Variants in ZBTB7C observed in about 807,000 individuals in gnomAD.
The protein encoded by ZBTB7C is zinc finger and BTB domain containing 7C.
In ZBTB7C, 8 loss-of-function variants were observed where a neutral mutation model predicts 25.7. The observed-to-expected ratio is 0.31, with a 90% CI of 0.18 to 0.56. The LOEUF (loss-of-function observed/expected upper bound fraction) is 0.56. Ranked by LOEUF, ZBTB7C falls within the 20% of genes least tolerant of loss-of-function variation. ZBTB7C has a pLI of 0.91. For missense variants in ZBTB7C, 824 were observed against 855.2 expected (o/e 0.96, Z 0.46); for synonymous variants, 394 against 369.0 (o/e 1.07, Z -0.78).
chr18:48,314,403 G>C (rs1051325889), intron 2 of ZBTB7C, among the ~76,000 whole-genome samples: 1 of 152,108 alleles, frequency 6.6e-6, no homozygotes, highest in South Asian at 2.1e-4. Flanking sequence ...AGTTATAAAG[G>C]GATGATTTTG....
intron 1 of ZBTB7C, among the ~76,000 whole-genome samples, chr18:48,395,253 G>A (rs371652284): frequency 1.3e-5 from 2 of 149,468 alleles, no homozygotes; most frequent in Admixed American, 6.7e-5. Context: ...TTTAAGGAGA[G>A]AGAGAGAGAG....
At chr18:48,077,432 GAGAAACCC>G (rs748468965) in intron 3 of ZBTB7C, among the ~76,000 whole-genome samples, 64 of 152,324 alleles carry the variant, frequency 4.2e-4, no homozygotes, top group Admixed American at 2.9e-3. Flanking sequence ...CTCCGTCATT[GAGAAACCC>G]TGCAATAAAC....
intron 3 of ZBTB7C, among the ~76,000 whole-genome samples, chr18:48,159,274 C>T (rs1048916323): frequency 6.6e-6 from 1 of 152,142 alleles, no homozygotes; most frequent in South Asian, 2.1e-4. Context: ...TAGTGTGAAT[C>T]CCGGTGGTCT....
chr18:48,137,406 T>C, intron 3 of ZBTB7C: 1 of 895,580 alleles, frequency 1.1e-6, no homozygotes, highest in Non-Finnish European at 1.3e-6. Flanking sequence ...GTTTTGTTTT[T>C]TGTGGGTTTC....
intron 2 of ZBTB7C, among the ~76,000 whole-genome samples, chr18:48,317,146 G>A (rs889315984): frequency 3.1e-4 from 47 of 151,542 alleles, no homozygotes; most frequent in African/African-American, 9.9e-4. Context: ...GATGGTGGGC[G>A]CCTGTAATCC....
intron 3 of ZBTB7C, chr18:48,087,854 G>C (rs2038252920): frequency 9.6e-6 from 1 of 104,522 alleles, no homozygotes; most frequent in Non-Finnish European, 1.8e-5. Context: ...GGGTGGGGGG[G>C]GGGGGCATTT....
intron 2 of ZBTB7C, among the ~76,000 whole-genome samples, chr18:48,228,121 G>A (rs138037924): frequency 6.6e-6 from 1 of 152,294 alleles, no homozygotes; most frequent in East Asian, 1.9e-4. Context: ...AGATGGGGCA[G>A]GAAGCATGCT....
At chr18:48,135,960 G>A (rs932404534) in intron 3 of ZBTB7C, among the ~76,000 whole-genome samples, 1 of 152,214 alleles carries the variant, frequency 6.6e-6, no homozygotes, top group Non-Finnish European at 1.5e-5. Flanking sequence ...CTGCCCACCC[G>A]CCTGCCGGCA....
intron 2 of ZBTB7C, among the ~76,000 whole-genome samples, chr18:48,288,493 CAAAA>C (rs35867063): frequency 1.2e-5 from 1 of 86,450 alleles, no homozygotes. Context: ...ACTAAAAGTA[CAAAA>C]AAAAAAAAAA....
At chr18:48,381,114 C>A (rs548929741) in intron 1 of ZBTB7C, among the ~76,000 whole-genome samples, 4 of 152,154 alleles carry the variant, frequency 2.6e-5, no homozygotes, top group African/African-American at 9.7e-5. Flanking sequence ...TGAAGACATT[C>A]AAAGTTCCAA....
At chr18:48,360,718 A>G (rs2047084785) in intron 1 of ZBTB7C, among the ~76,000 whole-genome samples, 1 of 152,124 alleles carries the variant, frequency 6.6e-6, no homozygotes, top group Admixed American at 6.5e-5. Flanking sequence ...GACCAGCCAA[A>G]GGCAGGGGTG....
At chr18:48,079,449 C>T (rs536028114) in intron 3 of ZBTB7C, among the ~76,000 whole-genome samples, 6 of 152,228 alleles carry the variant, frequency 3.9e-5, no homozygotes, top group African/African-American at 9.6e-5. Flanking sequence ...AAGAATCCTG[C>T]GGAACAAAGT....
rs1599057846 is a variant in ZBTB7C, at chr18:48,185,536, C to T, written c.-17+398G>A. ...TTAGTTTAACACACTGTTAAATGGC[C>T]TCTATGAGAATTTACTGTTCTGAAT... On this transcript the variant is annotated intron_variant, in intron 3 of 4. Transcript: ENST00000590800. 1.1e-5 allele frequency: 3 copies of T among 272,750 alleles called. No homozygotes were observed. The East Asian group carries it at 3.4e-4, about 31-fold the overall frequency. 16.9% of individuals were successfully genotyped at this position (272,750 alleles called of 1,614,324 possible).
At chr18:48,144,208 G>A (rs934547619) in intron 3 of ZBTB7C, among the ~76,000 whole-genome samples, 15 of 152,230 alleles carry the variant, frequency 9.9e-5, no homozygotes, top group African/African-American at 3.1e-4. Flanking sequence ...GAAGCCGGGA[G>A]GCGGAGGTTG....
chr18:48,363,823 T>C (rs774762693), intron 1 of ZBTB7C, among the ~76,000 whole-genome samples: 1 of 152,106 alleles, frequency 6.6e-6, no homozygotes, highest in Non-Finnish European at 1.5e-5. Context: ...CTACGTGATG[T>C]CTTTTTAAAC....
chr18:48,197,413 C>T (rs957707440), intron 2 of ZBTB7C, among the ~76,000 whole-genome samples: 2 of 152,208 alleles, frequency 1.3e-5, no homozygotes, highest in Admixed American at 6.5e-5. Context: ...AGCCCCTGCT[C>T]CAGCCCTCTC....
intron 2 of ZBTB7C, among the ~76,000 whole-genome samples, chr18:48,228,743 T>TCA (rs34427342): frequency 0.1 from 14,239 of 135,722 alleles, 764 homozygotes; most frequent in South Asian, 0.15. Context: ...TCTCTCTCTC[T>TCA]CTCTCACACA....
intron 1 of ZBTB7C, among the ~76,000 whole-genome samples, chr18:48,368,669 G>A (rs2047311629): frequency 6.6e-6 from 1 of 152,012 alleles, no homozygotes; most frequent in Non-Finnish European, 1.5e-5. Context: ...AATTAAAGAG[G>A]AACAAAAAGT....
intron 2 of ZBTB7C, among the ~76,000 whole-genome samples, chr18:48,264,805 G>A (rs1244281663): frequency 6.6e-6 from 1 of 152,180 alleles, no homozygotes. Context: ...GCAGCCTGTA[G>A]AATTTTCTAC....
Sources: allele counts gnomAD v4.1 joint callset (sites outside exome capture counted in the v4.1 genomes callset), GRCh38; gene constraint gnomAD v4.1.1; transcripts MANE v1.5; gene names NCBI Gene and HGNC (gene_info 2026-07-23, HGNC 2026-07-21).